TJP1: variants seen among roughly 807,000 people sequenced by gnomAD.
TJP1 encodes the protein tight junction protein ZO-1.
TJP1 carries 43 observed loss-of-function variants against 194.2 expected under a neutral mutation model. The ratio of observed to expected loss-of-function variants is 0.22; its 90% CI spans 0.17 to 0.29. The LOEUF (loss-of-function observed/expected upper bound fraction) is 0.29. Ranked by LOEUF, TJP1 falls within the 10% of genes least tolerant of loss-of-function variation. The pLI, the probability that TJP1 is intolerant of heterozygous loss-of-function variation, is 1.00. For synonymous variants in TJP1, 801 were observed against 779.0 expected (o/e 1.03, Z -0.47); for missense variants, 1,971 against 2,185.7 (o/e 0.90, Z 1.96).
chr15:29,703,615 CCAAGAA>C (rs2041696384), intron 27 of TJP1, among the ~76,000 whole-genome samples: 1 of 152,000 alleles, frequency 6.6e-6, no homozygotes, highest in African/African-American at 2.4e-5. Flanking sequence ...TTTCTGAACA[CCAAGAA>C]ATAGTCAATA....
chr15:29,842,717 A>G (rs1219033560), intron 2 of TJP1, among the ~76,000 whole-genome samples: 1 of 152,220 alleles, frequency 6.6e-6, no homozygotes, highest in Non-Finnish European at 1.5e-5. Context: ...TATGATCAGA[A>G]GTGCACATCT....
chr15:29,733,079 T>C lies in TJP1; in HGVS notation c.1736+15A>G, dbSNP rs2043776519. 2.5e-6 allele frequency: 4 copies of C among 1,608,572 alleles called. No homozygotes were observed. Among genetic ancestry groups the C allele is most frequent in the South Asian group, 2.2e-5 (2 of 90,962 alleles). ...TACTTGATTCACTCTATGAGAAGTA[T>C]CCAAGCATTCATACCTGTTCTTATT... On this transcript the variant is annotated intron_variant, in intron 13 of 27. Transcript: ENST00000614355.
intron 1 of TJP1, among the ~76,000 whole-genome samples, chr15:29,817,564 A>G (rs1249239228): frequency 6.6e-6 from 1 of 152,252 alleles, no homozygotes; most frequent in Non-Finnish European, 1.5e-5. Context: ...TTACAATAGC[A>G]AAGACATGGA....
chr15:29,817,949 T>C (rs532884784), intron 1 of TJP1, among the ~76,000 whole-genome samples: 3 of 151,884 alleles, frequency 2.0e-5, no homozygotes, highest in Admixed American at 6.6e-5. Flanking sequence ...CAAACCACCA[T>C]GGCACACGTA....
chr15:29,703,514 G>A (rs1383958674), intron 27 of TJP1, among the ~76,000 whole-genome samples: 2 of 151,918 alleles, frequency 1.3e-5, no homozygotes, highest in Non-Finnish European at 2.9e-5. Context: ...TTATATAAAG[G>A]AACAAAGTCA....
intron 25 of TJP1, among the ~76,000 whole-genome samples, chr15:29,705,995 A>C (rs2127703): frequency 2.0e-5 from 3 of 152,214 alleles, no homozygotes; most frequent in Non-Finnish European, 2.9e-5. Flanking sequence ...GCAGTGGCAC[A>C]ATCTTGGTTC....
intron 18 of TJP1, among the ~76,000 whole-genome samples, chr15:29,723,901 G>C (rs766395501): frequency 1.6e-4 from 25 of 152,264 alleles, no homozygotes; most frequent in Non-Finnish European, 2.6e-4. Flanking sequence ...GGATGAAAAA[G>C]AACACTCCCT....
At position 29,704,172 on chromosome 15, in the gene TJP1, G is replaced by C. The variant is rs1273554725; in HGVS notation, c.5202C>G (p.Asp1734Glu). The change falls in exon 27 of 28, where the codon GAC becomes GAG. Residue 1734 changes from aspartate to glutamate, a missense_variant. Asp to Glu is a conservative substitution (Grantham distance 45). Coordinates refer to ENST00000614355, the MANE Select transcript of TJP1 (RefSeq NM_001330239.4). ...GTGAAGACAGCATACCCGACGAGGA[G>C]TCGGATGATTTTAGAGCAAAAGACC... ...DGWSFALKSS[D>E]SSSGDPKTWQ... 6.4e-7 allele frequency: 1 copy of C among 1,559,730 alleles called. No homozygotes were observed. The highest frequency in any genetic ancestry group is 1.2e-5 in the South Asian group (1 of 84,656).
intron 2 of TJP1, among the ~76,000 whole-genome samples, chr15:29,785,800 C>A (rs2047664265): frequency 6.6e-6 from 1 of 152,150 alleles, no homozygotes; most frequent in Non-Finnish European, 1.5e-5. Context: ...CCACTGAGAT[C>A]ACAGAATTTG....
At chr15:29,777,490 A>C (rs1595861115) in intron 2 of TJP1, among the ~76,000 whole-genome samples, 1 of 152,354 alleles carries the variant, frequency 6.6e-6, no homozygotes, top group East Asian at 1.9e-4. Context: ...AGAAAAATAA[A>C]TAAATAAATA....
rs1222546711 is a variant in TJP1, at chr15:29,737,418, T to G, written c.1257-4A>C. On this transcript the variant is annotated splice_region_variant and splice_polypyrimidine_tract_variant and intron_variant, in intron 10 of 27. Transcript: ENST00000614355. The stretch of plus-strand genomic sequence containing the variant: ...TTTTACCAATTTCATGCTGGGCCTG[T>G]TAAAACAGATATTTCATTTGAAACA... 15 of 1,614,040 alleles carry G rather than the reference T, an allele frequency of 9.3e-6. No individual in the cohort carries two copies. Among genetic ancestry groups the G allele is most frequent in the Non-Finnish European group, 1.3e-5 (15 of 1,180,022 alleles).
chr15:29,763,247 T>C (rs1023750666), intron 5 of TJP1, among the ~76,000 whole-genome samples: 1 of 152,004 alleles, frequency 6.6e-6, no homozygotes, highest in Non-Finnish European at 1.5e-5. Context: ...ACTAGCAGAG[T>C]CCAGAGAACT....
intron 1 of TJP1, among the ~76,000 whole-genome samples, chr15:29,960,469 C>T (rs1171351374): frequency 6.6e-6 from 1 of 151,360 alleles, no homozygotes; most frequent in Non-Finnish European, 1.5e-5. Context: ...CCCGTCTCTA[C>T]AAAAAATACA....
At chr15:29,964,037 T>A (rs1313027517) in intron 1 of TJP1, among the ~76,000 whole-genome samples, 1 of 152,190 alleles carries the variant, frequency 6.6e-6, no homozygotes, top group Non-Finnish European at 1.5e-5. Context: ...ACATTTTACA[T>A]TAAAAAGGAG....
At chr15:29,956,122 T>C (rs1311299666) in intron 2 of TJP1, 13 of 999,460 alleles carry the variant, frequency 1.3e-5, no homozygotes, top group Middle Eastern at 4.3e-4. Context: ...ATTTCTAAAA[T>C]TAAAAAATGC....
intron 2 of TJP1, among the ~76,000 whole-genome samples, chr15:29,833,881 ATTTTTT>A (rs10650949): frequency 2.4e-4 from 3 of 12,614 alleles, no homozygotes; most frequent in African/African-American, 9.0e-4. Flanking sequence ...ATATATATAT[ATTTTTT>A]TTTTTTTTTT....
Position 29,949,588 on chromosome 15 carries a change from C to T in TJP1, c.306+6644G>A, listed in dbSNP as rs985566621. ...CCACTTCCACAACCACCACCTCCAC[C>T]TCCACAACCACCACCTCCACCTTCA... On this transcript the variant is annotated intron_variant, in intron 2 of 28. Coordinates refer to the TJP1 transcript ENST00000356107. 1.6e-4 allele frequency among the ~76,000 whole-genome samples: 22 copies of T among 137,418 alleles called. No homozygotes were observed. In the East Asian group the frequency reaches 1.7e-3, roughly 11 times the overall value. 90.2% of individuals were successfully genotyped at this position (137,418 alleles called of 152,430 possible). A position where few individuals can be genotyped will look rare whatever the true frequency, so the allele number is the denominator to read the frequency against.
intron 16 of TJP1, 63 bp downstream of exon 16, chr15:29,727,874 C>G: frequency 7.1e-7 from 1 of 1,412,744 alleles, no homozygotes; most frequent in African/African-American, 1.4e-5. Context: ...TCAAATTAAC[C>G]AAATCCCATC....
intron 2 of TJP1, among the ~76,000 whole-genome samples, chr15:29,880,563 G>GC (rs1226681409): frequency 8.5e-5 from 13 of 152,248 alleles, no homozygotes; most frequent in Admixed American, 7.2e-4. Context: ...TTGCATATCT[G>GC]AAACTTTCAT....
Sources: gnomAD v4.1 joint callset for allele counts (sites outside exome capture counted in the v4.1 genomes callset) on GRCh38, gnomAD v4.1.1 for gene constraint, MANE v1.5 for transcripts, NCBI Gene and HGNC (gene_info 2026-07-23, HGNC 2026-07-21) for gene names.